Variants in NR5A2 observed in about 807,000 individuals in gnomAD.
The protein encoded by NR5A2 is CYP7A promoter-binding factor.
NR5A2 carries 26 observed loss-of-function variants against 62.7 expected under a neutral mutation model. The observed-to-expected ratio is 0.41, with a 90% CI of 0.30 to 0.58. The LOEUF (loss-of-function observed/expected upper bound fraction) is 0.58. Ranked by LOEUF, NR5A2 falls within the 20% of genes least tolerant of loss-of-function variation. NR5A2 has a pLI of 0.22. For synonymous variants in NR5A2, 246 were observed against 241.7 expected, an observed-to-expected ratio of 1.02 and a Z score of -0.16; for missense variants, 541 against 669.1, an observed-to-expected ratio of 0.81 and a Z score of 2.11.
chr1:200,088,187 G>A (rs574264002), intron 5 of NR5A2, among the ~76,000 whole-genome samples: 52 of 152,250 alleles, frequency 3.4e-4, no homozygotes, highest in African/African-American at 1.2e-3. Flanking sequence ...TTAGAGGCGT[G>A]AGCCATGGTG....
intron 5 of NR5A2, among the ~76,000 whole-genome samples, chr1:200,067,827 T>C (rs565187013): frequency 6.6e-6 from 1 of 152,344 alleles, no homozygotes; most frequent in African/African-American, 2.4e-5. Flanking sequence ...CAGACACCAG[T>C]GTGCAAATTC....
intron 7 of NR5A2, among the ~76,000 whole-genome samples, chr1:200,132,875 A>T (rs1224113486): frequency 2.6e-5 from 4 of 152,184 alleles, no homozygotes; most frequent in South Asian, 4.1e-4. Flanking sequence ...GACAGCACCA[A>T]TGTGGCCTCA....
rs1662484291 is a variant in NR5A2 at position 200,048,546 on chromosome 1, T to C, written c.838T>C (p.Ser280Pro). The C allele has an allele frequency of 6.2e-7, 1 of 1,613,912 alleles. No homozygotes were observed. The highest frequency in any genetic ancestry group is 1.7e-5 in the Admixed American group (1 of 59,984). ...KSEYPDPYTSSPESIMGYSYM... is the reference protein window; with the variant it reads ...KSEYPDPYTSPPESIMGYSYM... ...TGAGTACCCAGACCCCTATACCAGC[T>C]CACCCGAGTCCATAATGGGCTATTC... The change falls in exon 5 of 8, where the codon TCA (serine) becomes CCA (proline). Residue 280 changes from serine to proline, a missense_variant. This residue lies in a region of NR5A2 where 379 missense variants were observed against 442.0 expected (regional missense o/e 0.86). Coordinates refer to ENST00000367362, the MANE Select transcript of NR5A2 (RefSeq NM_205860.3). This position sits in a 1 kb window ranked among gnomAD's most constrained non-coding sequence, Gnocchi z 4.8.
intron 7 of NR5A2, among the ~76,000 whole-genome samples, chr1:200,154,145 G>T (rs1011452703): frequency 6.6e-6 from 1 of 152,098 alleles, no homozygotes; most frequent in Non-Finnish European, 1.5e-5. Flanking sequence ...TTCCACAGGG[G>T]TTCCCTGTCT....
chr1:200,041,587 C>G (rs960888509), intron 2 of NR5A2, among the ~76,000 whole-genome samples: 4 of 152,198 alleles, frequency 2.6e-5, no homozygotes, highest in African/African-American at 9.7e-5. Context: ...GTGCGCCTCT[C>G]TGAGGCCCTA....
At chr1:200,164,137 C>G (rs562145585) in intron 7 of NR5A2, among the ~76,000 whole-genome samples, 1 of 152,274 alleles carries the variant, frequency 6.6e-6, no homozygotes, top group South Asian at 2.1e-4. Context: ...CCACCCTCAC[C>G]CGCCACCATG....
rs796502353 is a variant in NR5A2 at position 200,147,866 on chromosome 1, C to T, written c.1379-26097C>T. Reference sequence around the variant, plus strand: ...AGCAGTATGGCCACCTGCTTGTAGGCGCAGTCCCCGGAGCGGTGGCCGGCG... The same window carrying T: ...AGCAGTATGGCCACCTGCTTGTAGGTGCAGTCCCCGGAGCGGTGGCCGGCG... On this transcript the variant is annotated intron_variant, in intron 7 of 7. Coordinates refer to ENST00000367362, the MANE Select transcript of NR5A2 (RefSeq NM_205860.3). This position sits in a 1 kb window ranked among gnomAD's most constrained non-coding sequence, Gnocchi z 4.9. 95 of 427,742 alleles carry T rather than the reference C, an allele frequency of 2.2e-4. No individual in the cohort carries two copies. Among genetic ancestry groups the T allele is most frequent in the African/African-American group, 1.5e-3 (71 of 48,820 alleles). 26.5% of individuals were successfully genotyped at this position (427,742 alleles called of 1,614,324 possible). A position where few individuals can be genotyped will look rare whatever the true frequency, so the allele number is the denominator to read the frequency against.
At chr1:200,114,602 T>A (rs1238149649) in intron 6 of NR5A2, among the ~76,000 whole-genome samples, 1 of 152,192 alleles carries the variant, frequency 6.6e-6, no homozygotes, top group African/African-American at 2.4e-5. Flanking sequence ...TGATGTTATC[T>A]ACCAGAGAGA....
intron 5 of NR5A2, among the ~76,000 whole-genome samples, chr1:200,051,918 G>A (rs898583512): frequency 1.3e-5 from 2 of 151,916 alleles, no homozygotes; most frequent in South Asian, 2.1e-4. Flanking sequence ...CATCACACGG[G>A]CGCACACACA....
chr1:200,175,153 A>C lies in NR5A2; in HGVS notation c.*943A>C, dbSNP rs1654361652. The C allele has an allele frequency of 6.5e-6, 1 of 152,674 alleles. No homozygotes were observed. Among genetic ancestry groups the C allele is most frequent in the African/African-American group, 2.4e-5 (1 of 41,464 alleles). The allele number at this position is 152,674 out of a possible 1,614,324, so 9.5% of individuals were successfully genotyped here. On this transcript the variant is annotated 3_prime_UTR_variant, in exon 8 of 8. Coordinates refer to ENST00000367362, the MANE Select transcript of NR5A2 (RefSeq NM_205860.3). ...ATCATCCAAGTTTGTAGTTCATTTAAAAATACAACATTAAACACATTTTGC... is the reference window on the plus strand; with the variant it reads ...ATCATCCAAGTTTGTAGTTCATTTACAAATACAACATTAAACACATTTTGC...
At chr1:200,040,514 C>G (rs983231637) in intron 2 of NR5A2, among the ~76,000 whole-genome samples, 6 of 152,124 alleles carry the variant, frequency 3.9e-5, no homozygotes, top group African/African-American at 1.2e-4. Context: ...AACAAAAAAA[C>G]AAATCCCGCT....
intron 5 of NR5A2, among the ~76,000 whole-genome samples, chr1:200,060,377 C>A (rs1047930242): frequency 6.6e-6 from 1 of 152,132 alleles, no homozygotes; most frequent in East Asian, 1.9e-4. Context: ...AGAAGGGCTG[C>A]AGTTAATGAT....
intron 5 of NR5A2, among the ~76,000 whole-genome samples, chr1:200,089,885 C>T (rs1408898029): frequency 6.6e-6 from 1 of 152,214 alleles, no homozygotes; most frequent in Admixed American, 6.5e-5. Flanking sequence ...AATTAGAATT[C>T]CTCAACCAGG....
chr1:200,153,721 CAAT>C (rs1653241378), intron 7 of NR5A2, among the ~76,000 whole-genome samples: 1 of 150,758 alleles, frequency 6.6e-6, no homozygotes, highest in Non-Finnish European at 1.5e-5. Flanking sequence ...AAGAATGAGA[CAAT>C]AATGTATGAG....
rs147551707 is a variant in NR5A2 at position 200,112,975 on chromosome 1, T to G, written c.1230+1654T>G. 3.2e-4 allele frequency among the ~76,000 whole-genome samples: 48 copies of G among 152,332 alleles called. No individual in the cohort carries two copies. The South Asian group carries it at 5.6e-3, about 18-fold the overall frequency. ...CTGCTCTTTAGAAATATTTCTTATT[T>G]CACATTTCATTTTGCCTTAAGTGCT... On this transcript the variant is annotated intron_variant, in intron 6 of 7. Transcript: ENST00000367362.
Position 200,043,715 on chromosome 1 carries a change from G to A in NR5A2, c.203-59G>A, listed in dbSNP as rs150700099. The A allele has an allele frequency of 7.8e-4, 864 of 1,107,176 alleles. 5 individuals carry two copies. The African/African-American group carries it at 0.01, about 13-fold the overall frequency. 68.6% of individuals were successfully genotyped at this position (1,107,176 alleles called of 1,614,324 possible). A position where few individuals can be genotyped will look rare whatever the true frequency, so the allele number is the denominator to read the frequency against. The stretch of plus-strand genomic sequence containing the variant: ...ATCACCAAAATGCTTTTTGTTGCAG[G>A]ATTAACACCTACATGTAAATTAATT... On this transcript the variant is annotated intron_variant, in intron 2 of 7. Transcript: ENST00000367362.
chr1:200,080,262 G>T (rs1002300417), intron 5 of NR5A2, among the ~76,000 whole-genome samples: 3 of 152,062 alleles, frequency 2.0e-5, no homozygotes, highest in Non-Finnish European at 4.4e-5. Context: ...CCAGTCACCC[G>T]AATTAACCTT....
intron 5 of NR5A2, among the ~76,000 whole-genome samples, chr1:200,060,974 G>A (rs1189886860): frequency 2.0e-5 from 3 of 146,356 alleles, no homozygotes; most frequent in African/African-American, 7.6e-5. Context: ...ACAAAAATTA[G>A]CCTGGCATGG....
chr1:200,038,640 A>G, intron 1 of NR5A2: 2 of 1,163,108 alleles, frequency 1.7e-6, no homozygotes, highest in Non-Finnish European at 2.4e-6. Context: ...TCCTCATCCG[A>G]CACACTAGCA....
Sources: gnomAD v4.1 joint callset for allele counts (sites outside exome capture counted in the v4.1 genomes callset) on GRCh38, gnomAD v4.1.1 for gene constraint, gnomAD v4.1.1 regional missense constraint, Gnocchi (gnomAD v3.1) non-coding constraint, MANE v1.5 for transcripts, NCBI Gene and HGNC (gene_info 2026-07-23, HGNC 2026-07-21) for gene names.